The following RELCH variants were observed in gnomAD, a reference collection of about 807,000 sequenced individuals.
RELCH encodes the protein RAB11 binding and LisH domain, coiled-coil and HEAT repeat containing, also known as RAB11-binding protein RELCH.
In RELCH, 41 loss-of-function variants were observed where a neutral mutation model predicts 150.3. The observed-to-expected ratio is 0.27, with a 90% confidence interval of 0.21 to 0.35. RELCH has a LOEUF of 0.35. Ranked by LOEUF, RELCH falls within the 10% of genes least tolerant of loss-of-function variation. The probability of loss-of-function intolerance (pLI) is 1.00; values close to 1 mark genes in which losing one functional copy is unlikely to be tolerated. For synonymous variants in RELCH, 478 were observed against 531.8 expected (o/e 0.90, Z 1.39); for missense variants, 1,092 against 1,467.8 (o/e 0.74, Z 4.18).
chr18:62,279,799 C>T lies in RELCH; in HGVS notation c.2993C>T (p.Thr998Ile). 6.5e-7 allele frequency: 1 copy of T among 1,535,780 alleles called. No homozygotes were observed. The highest frequency in any genetic ancestry group is 1.2e-5 in the South Asian group (1 of 84,058). Residue 998 changes from threonine (T) to isoleucine (I), a missense_variant, in exon 23 of 29, where the codon ACT (threonine) becomes ATT (isoleucine). Transcript: ENST00000644646. ...CTGTTGGTGAAGGGGGTGAATGAAA[C>T]TCTGGTAGCTCAGAGGGTTGTTCCT... ...FELLVKGVNE[T>I]LVAQRVVPAL...
At position 62,276,445 on chromosome 18, in the gene RELCH, T is replaced by A. The variant is rs866968411; in HGVS notation, c.2967+972T>A. ...TAAGTGCTTATATGTTTACTGTCAT[T>A]ATCATTATTTTTTCCATCCATGCTA... On this transcript the variant is annotated intron_variant, in intron 22 of 28. Transcript: ENST00000644646. Among the ~76,000 whole-genome samples, 3 of 152,252 alleles carry A rather than the reference T, an allele frequency of 2.0e-5. No individual in the cohort carries two copies. In the South Asian group the frequency reaches 6.2e-4, roughly 32 times the overall value.
chr18:62,202,214 A>G (rs1193012562), intron 1 of RELCH, among the ~76,000 whole-genome samples: 2 of 152,216 alleles, frequency 1.3e-5, no homozygotes, highest in Admixed American at 6.5e-5. Context: ...TAGATTCTTA[A>G]TAAAAGAGGC....
intron 27 of RELCH, among the ~76,000 whole-genome samples, chr18:62,296,623 C>A (rs151199965): frequency 8.2e-4 from 125 of 152,094 alleles, no homozygotes; most frequent in African/African-American, 2.9e-3. Flanking sequence ...TTGTCTACTT[C>A]CCCTTTTAGT....
chr18:62,261,635 A>G lies in RELCH; in HGVS notation c.2327A>G (p.His776Arg), dbSNP rs758204529. 3 of 1,611,420 alleles carry G rather than the reference A, an allele frequency of 1.9e-6. No homozygotes were observed. Among genetic ancestry groups the G allele is most frequent in the Non-Finnish European group, 2.5e-6 (3 of 1,178,490 alleles). Reference protein sequence around the residue: ...NAPFSSKAKLHGEVPQIEVTR... With the variant: ...NAPFSSKAKLRGEVPQIEVTR... ...CCTTTCTCCAGCAAAGCCAAGCTTC[A>G]TGGTGAAGTGCCACAGATAGAAGGT... The change falls in exon 16 of 29, where the codon CAT (histidine) becomes CGT (arginine). Residue 776 changes from histidine to arginine, a missense_variant. Physicochemically the swap from His to Arg is conservative, Grantham distance 29. Transcript: ENST00000644646.
rs761903744 is a variant in RELCH, at chr18:62,291,502, A to G, written c.3371-41A>G. 2.4e-5 allele frequency: 29 copies of G among 1,208,832 alleles called. No homozygotes were observed. The South Asian group carries it at 3.7e-4, about 16-fold the overall frequency. 74.9% of individuals were successfully genotyped at this position (1,208,832 alleles called of 1,614,324 possible). A position where few individuals can be genotyped will look rare whatever the true frequency, so the allele number is the denominator to read the frequency against. ...ACTCGGTTGTTCTGTTGGACATACC[A>G]ATTTGGTTTTGTTTAATTCCCTTAA... On this transcript the variant is annotated intron_variant, in intron 26 of 28. Coordinates refer to ENST00000644646, the MANE Select transcript of RELCH (RefSeq NM_001346231.2).
chr18:62,253,871 C>T (rs2042857853), intron 12 of RELCH, among the ~76,000 whole-genome samples: 1 of 152,122 alleles, frequency 6.6e-6, no homozygotes, highest in African/African-American at 2.4e-5. Context: ...TTTCAATTTA[C>T]AATTCTATAC....
intron 9 of RELCH, among the ~76,000 whole-genome samples, 169 bp downstream of exon 9, chr18:62,231,438 G>A (rs938731418): frequency 1.3e-5 from 2 of 151,872 alleles, no homozygotes; most frequent in African/African-American, 2.4e-5. Flanking sequence ...AAACTTTTAA[G>A]GAAAGTAGTT....
intron 24 of RELCH, 86 bp downstream of exon 24, chr18:62,280,795 C>A: frequency 1.1e-6 from 1 of 900,142 alleles, no homozygotes; most frequent in Non-Finnish European, 1.8e-6. Context: ...CAGGGAGCAT[C>A]TTACCTTTTA....
At chr18:62,226,150 T>C (rs1341765435) in intron 5 of RELCH, among the ~76,000 whole-genome samples, 4 of 152,024 alleles carry the variant, frequency 2.6e-5, no homozygotes, top group African/African-American at 9.7e-5. Context: ...TTCTTAGAGG[T>C]TCTCATAGGT....
chr18:62,203,767 G>A (rs1235166549), intron 1 of RELCH, among the ~76,000 whole-genome samples: 1 of 152,104 alleles, frequency 6.6e-6, no homozygotes, highest in East Asian at 1.9e-4. Flanking sequence ...GACTGCTTGA[G>A]GCCAGGAATT....
At chr18:62,261,439 C>T in intron 15 of RELCH, 72 bp from the exon 16 acceptor site, 1 of 1,388,608 alleles carries the variant, frequency 7.2e-7, no homozygotes, top group Non-Finnish European at 1.0e-6. Flanking sequence ...TAAGGAAGAA[C>T]ATCATACATA....
At chr18:62,291,803 CTT>C (rs938013156) in intron 27 of RELCH, among the ~76,000 whole-genome samples, 172 bp downstream of exon 27, 1 of 152,190 alleles carries the variant, frequency 6.6e-6, no homozygotes, top group African/African-American at 2.4e-5. Flanking sequence ...CCTTTCACAT[CTT>C]TAAGCCTCTC....
At chr18:62,282,755 A>G (rs2044585390) in intron 25 of RELCH, among the ~76,000 whole-genome samples, 1 of 152,122 alleles carries the variant, frequency 6.6e-6, no homozygotes, top group Non-Finnish European at 1.5e-5. Flanking sequence ...CCTCCTGGGT[A>G]CAAGTGATTC....
At chr18:62,196,062 C>G (rs2039020223) in intron 1 of RELCH, among the ~76,000 whole-genome samples, 1 of 152,140 alleles carries the variant, frequency 6.6e-6, no homozygotes, top group Non-Finnish European at 1.5e-5. Context: ...TCTAACTATG[C>G]TCGGTGTTCC....
intron 25 of RELCH, chr18:62,284,470 T>G (rs1341651775): frequency 1.3e-5 from 2 of 152,222 alleles, no homozygotes; most frequent in Admixed American, 1.3e-4. Flanking sequence ...CTTTCACATT[T>G]TGGTACAACC....
intron 2 of RELCH, among the ~76,000 whole-genome samples, chr18:62,212,604 C>A (rs1255338873): frequency 6.6e-6 from 1 of 152,100 alleles, no homozygotes; most frequent in Non-Finnish European, 1.5e-5. Flanking sequence ...AACATTTGTT[C>A]CATTCTAAAC....
intron 1 of RELCH, among the ~76,000 whole-genome samples, chr18:62,202,627 G>A (rs2039526492): frequency 6.6e-6 from 1 of 152,094 alleles, no homozygotes; most frequent in African/African-American, 2.4e-5. Flanking sequence ...GTGTGTGTTT[G>A]CTTTCCCCCA....
intron 8 of RELCH, among the ~76,000 whole-genome samples, chr18:62,229,340 G>A (rs757662253): frequency 6.6e-6 from 1 of 152,026 alleles, no homozygotes; most frequent in African/African-American, 2.4e-5. Flanking sequence ...ATAGAGAGAT[G>A]TTATGCCTAC....
intron 8 of RELCH, among the ~76,000 whole-genome samples, chr18:62,229,612 A>G (rs1443811989): frequency 2.0e-5 from 3 of 151,968 alleles, no homozygotes; most frequent in Admixed American, 2.0e-4. Context: ...CAGACAAGCA[A>G]TAACACTAAG....
Sources: gnomAD v4.1 joint callset for allele counts (sites outside exome capture counted in the v4.1 genomes callset) on GRCh38, gnomAD v4.1.1 for gene constraint, MANE v1.5 for transcripts, NCBI Gene and HGNC (gene_info 2026-07-23, HGNC 2026-07-21) for gene names.